The following DOCK8 variants were observed in gnomAD, a reference collection of about 807,000 sequenced individuals.
The protein encoded by DOCK8 is dedicator of cytokinesis 8.
A neutral mutation model predicts 245.6 loss-of-function variants in DOCK8; 141 were observed. That is an observed-to-expected ratio of 0.57 (90% CI 0.50 to 0.66). The LOEUF is 0.66. Among genes scored for constraint, DOCK8 ranks in the 30% least tolerant of loss-of-function variants. The pLI, the probability that DOCK8 is intolerant of heterozygous loss-of-function variation, is 0.00. For synonymous variants in DOCK8, 1,168 were observed against 970.2 expected, an observed-to-expected ratio of 1.20 and a Z score of -3.79; for missense variants, 2,965 against 2,603.4, an observed-to-expected ratio of 1.14 and a Z score of -3.02.
At chr9:406,467 A>G (rs1177463099) in intron 27 of DOCK8, among the ~76,000 whole-genome samples, 2 of 148,318 alleles carry the variant, frequency 1.3e-5, no homozygotes, top group Non-Finnish European at 3.0e-5. Flanking sequence ...AGCCTGGGTA[A>G]CAGAGTGACA....
intron 6 of DOCK8, among the ~76,000 whole-genome samples, chr9:313,411 T>G (rs2050210320): frequency 6.6e-6 from 1 of 152,234 alleles, no homozygotes; most frequent in South Asian, 2.1e-4. Context: ...TCCAGCTTTC[T>G]TTTCTTTTCT....
At chr9:296,119 A>T (rs2049251116) in intron 4 of DOCK8, among the ~76,000 whole-genome samples, 1 of 152,184 alleles carries the variant, frequency 6.6e-6, no homozygotes, top group African/African-American at 2.4e-5. Context: ...CCTTGTTCTA[A>T]AAACAATAGT....
chr9:409,309 A>G (rs979388476), intron 28 of DOCK8, among the ~76,000 whole-genome samples: 3 of 152,198 alleles, frequency 2.0e-5, no homozygotes, highest in Non-Finnish European at 2.9e-5. Context: ...AGTGTTTTTC[A>G]AGCATTTAGA....
At chr9:309,942 G>T (rs2050022367) in intron 5 of DOCK8, among the ~76,000 whole-genome samples, 2 of 152,070 alleles carry the variant, frequency 1.3e-5, no homozygotes, top group African/African-American at 4.8e-5. Context: ...ATGAGCCAGG[G>T]TTTCACTTTG....
chr9:219,063 C>A (rs2046826886), intron 1 of DOCK8, among the ~76,000 whole-genome samples: 2 of 152,204 alleles, frequency 1.3e-5, no homozygotes, highest in Non-Finnish European at 2.9e-5. Flanking sequence ...TTATACCATG[C>A]TGCCATCTCA....
chr9:315,714 T>C (rs562148298), intron 6 of DOCK8, among the ~76,000 whole-genome samples: 1 of 152,254 alleles, frequency 6.6e-6, no homozygotes, highest in Non-Finnish European at 1.5e-5. Context: ...ATTGAACTTG[T>C]TGAAGCTAGA....
chr9:274,177 C>T (rs528966981), intron 2 of DOCK8, among the ~76,000 whole-genome samples: 2 of 152,256 alleles, frequency 1.3e-5, no homozygotes, highest in South Asian at 4.1e-4. Flanking sequence ...CTACCTTAGC[C>T]GGGTAGTGAC....
chr9:442,045 A>G lies in DOCK8; in HGVS notation c.5490+36A>G, dbSNP rs760663432. On this transcript the variant is annotated intron_variant, in intron 42 of 47. Transcript: ENST00000432829. ...TGATTCTGTGCGCCTGACCTGGTAC[A>G]CTTTACAAAAACAAGTTAGAGTGGG... 2.5e-6 allele frequency: 4 copies of G among 1,612,696 alleles called. No homozygotes were observed. The East Asian group carries it at 8.9e-5, about 36-fold the overall frequency.
At chr9:302,794 G>C (rs1476268125) in intron 4 of DOCK8, among the ~76,000 whole-genome samples, 1 of 152,054 alleles carries the variant, frequency 6.6e-6, no homozygotes, top group Non-Finnish European at 1.5e-5. Flanking sequence ...AAACCACAGT[G>C]TGATACCAAC....
chr9:426,299 AC>A (rs2056498494), intron 33 of DOCK8, among the ~76,000 whole-genome samples: 1 of 152,206 alleles, frequency 6.6e-6, no homozygotes, highest in Non-Finnish European at 1.5e-5. Context: ...CTACAGGAAT[AC>A]AGTCTTGTTT....
At chr9:334,703 C>T (rs2051225462) in intron 11 of DOCK8, among the ~76,000 whole-genome samples, 1 of 151,866 alleles carries the variant, frequency 6.6e-6, no homozygotes, top group Non-Finnish European at 1.5e-5. Context: ...ATGTAGTAAC[C>T]ATCTGTAGTG....
At chr9:263,228 G>T (rs1305641447) in intron 1 of DOCK8, among the ~76,000 whole-genome samples, 2 of 150,494 alleles carry the variant, frequency 1.3e-5, no homozygotes, top group African/African-American at 4.9e-5. Flanking sequence ...AAAAAAACCT[G>T]ATATATTTGG....
chr9:296,557 T>C (rs140009156), intron 4 of DOCK8, among the ~76,000 whole-genome samples: 8 of 152,286 alleles, frequency 5.3e-5, no homozygotes, highest in Non-Finnish European at 1.2e-4. Flanking sequence ...TGGGGTATCA[T>C]CTGTTTTATT....
At chr9:342,005 A>C (rs2051621648) in intron 14 of DOCK8, among the ~76,000 whole-genome samples, 1 of 152,174 alleles carries the variant, frequency 6.6e-6, no homozygotes, top group Non-Finnish European at 1.5e-5. Context: ...GGGACCCTCT[A>C]ATTGCAGGAA....
chr9:304,290 C>T (rs572556024), intron 4 of DOCK8, among the ~76,000 whole-genome samples: 1 of 152,260 alleles, frequency 6.6e-6, no homozygotes, highest in African/African-American at 2.4e-5. Context: ...AGCTTCAGCT[C>T]GGAGCCAAAT....
At chr9:420,056 C>T (rs1160665480) in intron 30 of DOCK8, 1 of 360,076 alleles carries the variant, frequency 2.8e-6, no homozygotes, top group African/African-American at 2.1e-5. Flanking sequence ...GCATGAAAGC[C>T]TCTTTGTATC....
At chr9:426,101 G>T (rs2056490333) in intron 33 of DOCK8, among the ~76,000 whole-genome samples, 1 of 152,052 alleles carries the variant, frequency 6.6e-6, no homozygotes, top group Non-Finnish European at 1.5e-5. Flanking sequence ...CTTGCAACTA[G>T]ATTTGGATGA....
intron 1 of DOCK8, among the ~76,000 whole-genome samples, chr9:246,905 T>G (rs1167075356): frequency 6.6e-6 from 1 of 152,124 alleles, no homozygotes. Context: ...CACACACCAC[T>G]GTGCCTGTCT....
At chr9:400,286 TCAC>T (rs1198896913) in intron 26 of DOCK8, among the ~76,000 whole-genome samples, 2 of 7,816 alleles carry the variant, frequency 2.6e-4, no homozygotes, top group Non-Finnish European at 4.0e-4. Context: ...ACCACTTCCT[TCAC>T]CACCACCACC....
Sources: gnomAD v4.1 joint callset for allele counts (sites outside exome capture counted in the v4.1 genomes callset) on GRCh38, gnomAD v4.1.1 for gene constraint, MANE v1.5 for transcripts, NCBI Gene and HGNC (gene_info 2026-07-23, HGNC 2026-07-21) for gene names.